The following PROM2 variants were observed in gnomAD, a reference collection of about 807,000 sequenced individuals.
PROM2 encodes prominin 2.
In PROM2, 90 loss-of-function variants were observed where a neutral mutation model predicts 110.2. The ratio of observed to expected loss-of-function variants is 0.82; its 90% CI spans 0.69 to 0.97. The LOEUF (loss-of-function observed/expected upper bound fraction) is 0.97. Among genes scored for constraint, PROM2 ranks in the 50% least tolerant of loss-of-function variants. PROM2 has a pLI of 0.00. For missense variants in PROM2, 1,009 were observed against 1,074.8 expected (o/e 0.94, Z 0.86); for synonymous variants, 470 against 467.8 (o/e 1.00, Z -0.06).
At chr2:95,287,957 G>C (rs1255573164) in intron 20 of PROM2, among the ~76,000 whole-genome samples, 1 of 152,246 alleles carries the variant, frequency 6.6e-6, no homozygotes, top group East Asian at 1.9e-4. Context: ...TTGACACACA[G>C]TGCTGGGTCA....
At chr2:95,277,235 G>C in intron 6 of PROM2, 129 bp from the exon 7 acceptor site, 1 of 1,204,942 alleles carries the variant, frequency 8.3e-7, no homozygotes, top group Non-Finnish European at 1.2e-6. Context: ...CCCTGGGGCA[G>C]TTTCCACTGT....
At position 95,287,151 on chromosome 2, in the gene PROM2, C is replaced by G. The variant is rs779532867; in HGVS notation, c.2113C>G (p.Leu705Val). 9.3e-6 allele frequency: 15 copies of G among 1,613,856 alleles called. No homozygotes were observed. The highest frequency in any genetic ancestry group is 1.2e-5 in the Non-Finnish European group (14 of 1,179,970). The change falls in exon 19 of 24, where the codon CTA (leucine) becomes GTA (valine). Residue 705 changes from leucine to valine, a missense_variant. Physicochemically the swap from Leu to Val is conservative, Grantham distance 32 (BLOSUM62 1). Transcript: ENST00000317620. ...PNLQLETSDV[L>V]ANVTYLKGEL... ...CCTCCAGCTGGAGACCTCAGATGTC[C>G]TAGCCAATGTCACCTACCTGAAAGG...
At position 95,285,003 on chromosome 2, in the gene PROM2, TGAAAGTAGACACACAGAGCCTG is replaced by T; in HGVS notation, c.1766_1787del (p.Lys589ThrfsTer3). ...AAGCTACGGCAGGAGTTGCAGAGCC[TGAAAGTAGACACACAGAGCCTG>T]GACCTGCTGAGCTCAGCCGCCCGCC... On this transcript the variant is annotated frameshift_variant, in exon 15 of 24. Coordinates refer to ENST00000317620, the MANE Select transcript of PROM2 (RefSeq NM_001165978.3). LOFTEE classifies it high-confidence loss of function. 1 of 1,608,332 alleles carries T rather than the reference TGAAAGTAGACACACAGAGCCTG, an allele frequency of 6.2e-7. No individual in the cohort carries two copies.
Position 95,277,483 on chromosome 2 carries a change from C to T in PROM2, c.892C>T (p.Leu298=). 6.8e-6 allele frequency: 11 copies of T among 1,612,356 alleles called. No individual in the cohort carries two copies. The highest frequency in any genetic ancestry group is 9.3e-6 in the Non-Finnish European group (11 of 1,179,656). Residue 298 remains leucine, a synonymous_variant, in exon 7 of 24, where the codon CTG becomes TTG. Transcript: ENST00000317620. ...ACACCGGGACCGCCTCCTTGAGCTG[C>T]TGCAGGAGGCCAGGTGCCAGGGAGA... The part of the protein sequence containing the change: ...REHRDRLLEL[L]QEARCQGDCA...
chr2:95,283,858 G>A (rs1226543384), intron 14 of PROM2, among the ~76,000 whole-genome samples: 1 of 152,204 alleles, frequency 6.6e-6, no homozygotes, highest in Non-Finnish European at 1.5e-5. Context: ...GACCCTCCGA[G>A]TTAGATGCTG....
chr2:95,286,501 G>C lies in PROM2; in HGVS notation c.1970G>C (p.Arg657Pro), dbSNP rs200882866. The C allele has an allele frequency of 5.0e-6, 8 of 1,613,690 alleles. No homozygotes were observed. The highest frequency in any genetic ancestry group is 2.7e-5 in the African/African-American group (2 of 74,898). ...QAQDNSVLGQ[R>P]LQEEAQGLRN... ...CAGGACAATTCTGTGCTGGGGCAGC[G>C]GCTGCAGGAGGAGGCCCAAGGACTC... Residue 657 changes from arginine to proline, a missense_variant, in exon 17 of 24, where the codon CGG (arginine) becomes CCG (proline). Arg to Pro is a moderately radical substitution (Grantham distance 103). Transcript: ENST00000317620.
intron 11 of PROM2, 99 bp from the exon 12 acceptor site, chr2:95,281,143 T>C: frequency 1.3e-6 from 2 of 1,500,124 alleles, no homozygotes; most frequent in Non-Finnish European, 1.8e-6. Flanking sequence ...TGGGGCCAAC[T>C]GGCTGAGCAG....
intron 1 of PROM2, 56 bp downstream of exon 1, chr2:95,274,885 C>T: frequency 6.7e-7 from 1 of 1,492,742 alleles, no homozygotes; most frequent in Admixed American, 2.2e-5. Flanking sequence ...AGCCCGGCTT[C>T]CTCTGTCCCA....
rs992003457 is a variant in PROM2, at chr2:95,277,641, C to T, written c.975+75C>T. 2.2e-6 allele frequency: 3 copies of T among 1,364,440 alleles called. No individual in the cohort carries two copies. In the African/African-American group the frequency reaches 4.4e-5, roughly 20 times the overall value. 84.5% of individuals were successfully genotyped at this position (1,364,440 alleles called of 1,614,324 possible). ...TGCTGCTCCTGGGATCTGGCAAATT[C>T]CCAGTCCCCTTGCCCCAATGTTCCT... On this transcript the variant is annotated intron_variant, in intron 7 of 23. Coordinates refer to ENST00000317620, the MANE Select transcript of PROM2 (RefSeq NM_001165978.3).
In PROM2 at chr2:95,288,226, G is replaced by A; in HGVS notation, c.2260G>A (p.Ala754Thr). ...WVREEVTQRIATCQPLSGALD... is the reference protein window; with the variant it reads ...WVREEVTQRITTCQPLSGALD... The stretch of plus-strand genomic sequence containing the variant: ...GGCGCCACAGGTGACTCAGCGCATT[G>A]CCACCTGCCAGCCCCTCTCCGGAGC... Residue 754 changes from alanine (A) to threonine (T), a missense_variant, in exon 21 of 24, where the codon GCC becomes ACC. Coordinates refer to ENST00000317620, the MANE Select transcript of PROM2 (RefSeq NM_001165978.3). 1 of 1,613,778 alleles carries A rather than the reference G, an allele frequency of 6.2e-7. No homozygotes were observed. Among genetic ancestry groups the A allele is most frequent in the African/African-American group, 1.3e-5 (1 of 75,026 alleles).
intron 14 of PROM2, among the ~76,000 whole-genome samples, chr2:95,283,365 C>T (rs555887075): frequency 4.2e-4 from 64 of 152,342 alleles, no homozygotes; most frequent in Non-Finnish European, 8.4e-4. Flanking sequence ...CCTCTGAGGC[C>T]ACCTGACAAT....
rs756391678 is a variant in PROM2 at position 95,286,555 on chromosome 2, C to A, written c.2024C>A (p.Pro675His). ...LRNLHQEKVVPQQSLVAKLNL... is the reference protein window; with the variant it reads ...LRNLHQEKVVHQQSLVAKLNL... The stretch of plus-strand genomic sequence containing the variant: ...AACCTTCACCAGGAGAAGGTCGTCC[C>A]CCAGCAGAGCCTTGTGGTCAGTTTG... Residue 675 changes from proline (P) to histidine (H), a missense_variant, in exon 17 of 24, where the codon CCC (proline) becomes CAC (histidine). Coordinates refer to ENST00000317620, the MANE Select transcript of PROM2 (RefSeq NM_001165978.3). The A allele has an allele frequency of 1.2e-6, 2 of 1,613,508 alleles. No homozygotes were observed. Among genetic ancestry groups the A allele is most frequent in the East Asian group, 2.2e-5 (1 of 44,870 alleles).
rs143192230 is a variant in PROM2, at chr2:95,281,276, C to T, written c.1462C>T (p.Leu488Phe). 1.9e-6 allele frequency: 3 copies of T among 1,613,350 alleles called. No individual in the cohort carries two copies. The African/African-American group carries it at 4.0e-5, about 22-fold the overall frequency. Residue 488 changes from leucine (L) to phenylalanine (F), a missense_variant, in exon 12 of 24, where the codon CTC becomes TTC. Coordinates refer to ENST00000317620, the MANE Select transcript of PROM2 (RefSeq NM_001165978.3). ...CCTCAGCTTCCTCTTTGCTGCACCC[C>T]TCATCCTCCTGGTGTTCGCCACCTT... ...VGLSFLFAAP[L>F]ILLVFATFLV...
In PROM2 at chr2:95,275,529, G is replaced by C. The variant is rs761482438; in HGVS notation, c.294+19G>C. 1 of 1,613,574 alleles carries C rather than the reference G, an allele frequency of 6.2e-7. No individual in the cohort carries two copies. Among genetic ancestry groups the C allele is most frequent in the Non-Finnish European group, 8.5e-7 (1 of 1,179,706 alleles). On this transcript the variant is annotated intron_variant, in intron 2 of 23. Transcript: ENST00000317620. The surrounding 1 kb of genome is among the most constrained non-coding windows in gnomAD (Gnocchi z 4.4). ...GAATGAGGTGAGCAAGCTGGGGAAA[G>C]GTGCTGGGGGAGGGAGTTCTGGGGT...
Position 95,284,698 on chromosome 2 carries a change from C to A in PROM2, c.1729-271C>A, listed in dbSNP as rs149207254. On this transcript the variant is annotated intron_variant, in intron 14 of 23. Transcript: ENST00000317620. ...CGAGAGAGCCAACGCAGAGGTGCCA[C>A]ACTCTTTCAAACACGTGAAATAACT... 5.0e-3 allele frequency among the ~76,000 whole-genome samples: 766 copies of A among 152,324 alleles called. 9 individuals are homozygous for A. Among genetic ancestry groups the A allele is most frequent in the African/African-American group, 0.017 (724 of 41,572 alleles).
At chr2:95,283,719 A>C (rs570109454) in intron 14 of PROM2, among the ~76,000 whole-genome samples, 13 of 152,310 alleles carry the variant, frequency 8.5e-5, no homozygotes, top group African/African-American at 3.1e-4. Flanking sequence ...TGACCTCTAA[A>C]TCTCTTCCAG....
intron 23 of PROM2, 94 bp from the exon 24 acceptor site, chr2:95,289,130 T>G: frequency 2.6e-6 from 2 of 776,398 alleles, no homozygotes; most frequent in Non-Finnish European, 4.4e-6. Flanking sequence ...CATGGTGGAG[T>G]CTGGGTATTG....
chr2:95,282,096 C>A (rs191300760), intron 13 of PROM2, 46 bp from the exon 14 acceptor site: 3 of 1,608,288 alleles, frequency 1.9e-6, no homozygotes, highest in Admixed American at 3.3e-5. Context: ...ATCAGCCCCC[C>A]CGCCACCCCC....
rs1677576579 is a variant in PROM2 at position 95,289,563 on chromosome 2, C to T, written c.*350C>T. 1 of 152,632 alleles carries T rather than the reference C, an allele frequency of 6.6e-6. No individual in the cohort carries two copies. Among genetic ancestry groups the T allele is most frequent in the South Asian group, 2.1e-4 (1 of 4,844 alleles). 9.5% of individuals were successfully genotyped at this position (152,632 alleles called of 1,614,324 possible). Reference sequence around the variant, plus strand: ...GGGGTGGGACAGAGGCCTCGTCCAACCCCACTCCCCTTCCCGTGTGTCTTC... The same window carrying T: ...GGGGTGGGACAGAGGCCTCGTCCAATCCCACTCCCCTTCCCGTGTGTCTTC... On this transcript the variant is annotated 3_prime_UTR_variant, in exon 24 of 24. Coordinates refer to ENST00000317620, the MANE Select transcript of PROM2 (RefSeq NM_001165978.3).
Sources: allele counts gnomAD v4.1 joint callset (sites outside exome capture counted in the v4.1 genomes callset), GRCh38; gene constraint gnomAD v4.1.1; non-coding constraint Gnocchi (gnomAD v3.1); transcripts MANE v1.5; gene names NCBI Gene and HGNC (gene_info 2026-07-23, HGNC 2026-07-21).